ATP10A: variants seen among roughly 807,000 people sequenced by gnomAD.
The protein encoded by ATP10A is ATPase phospholipid transporting 10A (putative), also known as phospholipid-transporting ATPase VA.
ATP10A carries 111 observed loss-of-function variants against 147.8 expected under a neutral mutation model. That is an observed-to-expected ratio of 0.75 (90% CI 0.64 to 0.88). ATP10A has a LOEUF of 0.88. Ranked by LOEUF, ATP10A falls within the 40% of genes least tolerant of loss-of-function variation. The pLI, the probability that ATP10A is intolerant of heterozygous loss-of-function variation, is 0.00. For missense variants in ATP10A, 1,927 were observed against 1,959.0 expected (o/e 0.98, Z 0.31); for synonymous variants, 875 against 841.6 (o/e 1.04, Z -0.69).
rs547453214 is a variant in ATP10A at position 25,720,058 on chromosome 15, C to T, written c.1363+1599G>A. Among the ~76,000 whole-genome samples, 21 of 152,288 alleles carry T rather than the reference C, an allele frequency of 1.4e-4. No homozygotes were observed. In the South Asian group the frequency reaches 3.9e-3, roughly 29 times the overall value. On this transcript the variant is annotated intron_variant, in intron 7 of 20. Transcript: ENST00000555815. ...CTCCCTGTGTCTTGAGGCAAGGAAACCCTCTGGTTTTATGGTAGCATTTGG... is the reference window on the plus strand; with the variant it reads ...CTCCCTGTGTCTTGAGGCAAGGAAATCCTCTGGTTTTATGGTAGCATTTGG...
In ATP10A at chr15:25,723,597, AT is replaced by A. The variant is rs1324748285; in HGVS notation, c.1110+293del. On this transcript the variant is annotated intron_variant, in intron 6 of 20. Transcript: ENST00000555815. Reference sequence around the variant, plus strand: ...TTAAAATTATCCCAAAATAAAATCTATTTTTTTTAAAAGTAACTGAAAGGAA... The same window carrying A: ...TTAAAATTATCCCAAAATAAAATCTATTTTTTTAAAAGTAACTGAAAGGAA... Among the ~76,000 whole-genome samples, 11 of 151,828 alleles carry A rather than the reference AT, an allele frequency of 7.2e-5. No homozygotes were observed. The East Asian group carries it at 1.6e-3, about 21-fold the overall frequency.
At chr15:25,812,510 C>G (rs529743451) in intron 1 of ATP10A, among the ~76,000 whole-genome samples, 1 of 152,208 alleles carries the variant, frequency 6.6e-6, no homozygotes, top group Non-Finnish European at 1.5e-5. Flanking sequence ...TCCAAGAACA[C>G]TTGCATTTGT....
At chr15:25,688,825 T>C (rs991045722) in intron 15 of ATP10A, among the ~76,000 whole-genome samples, 1 of 152,226 alleles carries the variant, frequency 6.6e-6, no homozygotes, top group Non-Finnish European at 1.5e-5. Flanking sequence ...AAAGCAAATG[T>C]CCCTCTACCT....
intron 2 of ATP10A, among the ~76,000 whole-genome samples, chr15:25,768,184 G>A (rs1206572485): frequency 1.3e-5 from 2 of 152,206 alleles, no homozygotes; most frequent in Non-Finnish European, 2.9e-5. Flanking sequence ...ACAGGACACA[G>A]CACGCGAGCA....
intron 14 of ATP10A, among the ~76,000 whole-genome samples, chr15:25,693,239 T>A (rs1258438629): frequency 6.6e-6 from 1 of 151,690 alleles, no homozygotes; most frequent in East Asian, 2.0e-4. Flanking sequence ...CCCAGGCTGG[T>A]CTCAAACTCC....
chr15:25,692,822 G>A (rs185630878), intron 14 of ATP10A, among the ~76,000 whole-genome samples: 31 of 152,210 alleles, frequency 2.0e-4, no homozygotes, highest in African/African-American at 7.2e-4. Flanking sequence ...TTGAGACAGG[G>A]TCTCACTCTG....
intron 12 of ATP10A, 124 bp from the exon 13 acceptor site, chr15:25,702,224 G>T (rs1033998173): frequency 2.0e-6 from 2 of 995,468 alleles, no homozygotes; most frequent in Non-Finnish European, 2.9e-6. Context: ...TGTTGCCTGG[G>T]CCTTGCCAGG....
rs148291013 is a variant in ATP10A at position 25,834,995 on chromosome 15, G to A, written c.449+27653C>T. Among the ~76,000 whole-genome samples the A allele has an allele frequency of 7.8e-3, 1,191 of 152,296 alleles. 22 individuals carry two copies. Among genetic ancestry groups the A allele is most frequent in the African/African-American group, 0.027 (1,123 of 41,552 alleles). Reference sequence around the variant, plus strand: ...AAAATGTGCTAGGCCAGGTGCAGTTGCTCACACCTGTAATCCCAGCACTTT... The same window carrying A: ...AAAATGTGCTAGGCCAGGTGCAGTTACTCACACCTGTAATCCCAGCACTTT... On this transcript the variant is annotated intron_variant, in intron 1 of 20. Coordinates refer to ENST00000555815, the MANE Select transcript of ATP10A (RefSeq NM_024490.4).
intron 2 of ATP10A, among the ~76,000 whole-genome samples, chr15:25,746,415 T>C (rs193086599): frequency 1.2e-3 from 176 of 152,294 alleles, no homozygotes; most frequent in African/African-American, 3.9e-3. Flanking sequence ...CTTGGTAACA[T>C]TCCTTTCTCA....
intron 2 of ATP10A, among the ~76,000 whole-genome samples, chr15:25,749,921 C>T (rs1008650637): frequency 3.3e-5 from 5 of 151,940 alleles, no homozygotes; most frequent in Non-Finnish European, 5.9e-5. Context: ...CCAAAACTAT[C>T]CAAACGGAAA....
At chr15:25,714,264 G>A in intron 9 of ATP10A, 23 bp from the exon 10 acceptor site, 1 of 1,596,870 alleles carries the variant, frequency 6.3e-7, no homozygotes, top group Non-Finnish European at 8.5e-7. Flanking sequence ...TGGTCAGAAG[G>A]CAGGTGAGGG....
At chr15:25,793,208 G>A (rs4609818) in intron 1 of ATP10A, among the ~76,000 whole-genome samples, 30,444 of 151,996 alleles carry the variant, frequency 0.2, 3,419 homozygotes, top group African/African-American at 0.3. Context: ...CTCATTTGGA[G>A]GCATCATAAA....
At chr15:25,843,203 C>T (rs1482786230) in intron 1 of ATP10A, among the ~76,000 whole-genome samples, 30 of 150,040 alleles carry the variant, frequency 2.0e-4, no homozygotes, top group Admixed American at 1.9e-3. Flanking sequence ...CCCTAGGAGA[C>T]GCAGGCCCAC....
At position 25,724,132 on chromosome 15, in the gene ATP10A, G is replaced by T. The variant is rs771136404; in HGVS notation, c.980-111C>A. 6.7e-6 allele frequency: 8 copies of T among 1,194,734 alleles called. No homozygotes were observed. In the Admixed American group the frequency reaches 2.3e-4, roughly 34 times the overall value. The allele number at this position is 1,194,734 out of a possible 1,614,324, so 74.0% of individuals were successfully genotyped here. ...TTTGTTACCTGATGCAAGCACATTT[G>T]GTTTTCTTACTCAGCTTTGCCATGT... On this transcript the variant is annotated intron_variant, in intron 5 of 20. Transcript: ENST00000555815.
downstream of ATP10A, among the ~76,000 whole-genome samples, chr15:25,676,358 G>C (rs560735260): frequency 6.6e-6 from 1 of 152,286 alleles, no homozygotes; most frequent in East Asian, 1.9e-4. Flanking sequence ...GCGCCTCCCT[G>C]GCCTTGCTTG....
At chr15:25,676,302 C>A (rs909730033), downstream of ATP10A, among the ~76,000 whole-genome samples, 4 of 152,202 alleles carry the variant, frequency 2.6e-5, no homozygotes, top group Admixed American at 2.6e-4. Context: ...TCACTCCTCT[C>A]CCAGGTCTCT....
chr15:25,695,606 G>C (rs1241887616), intron 13 of ATP10A, among the ~76,000 whole-genome samples: 1 of 152,090 alleles, frequency 6.6e-6, no homozygotes, highest in Non-Finnish European at 1.5e-5. Context: ...TCCAGCCTAG[G>C]CGACAGAGCG....
At chr15:25,713,529 A>G in intron 10 of ATP10A, 145 bp downstream of exon 10, 1 of 906,500 alleles carries the variant, frequency 1.1e-6, no homozygotes, top group Non-Finnish European at 1.7e-6. Context: ...CACTGATCTG[A>G]AGAAACCATG....
At chr15:25,853,558 GTGCCAGGGACAC>G (rs1219131566) in intron 1 of ATP10A, among the ~76,000 whole-genome samples, 1 of 152,146 alleles carries the variant, frequency 6.6e-6, no homozygotes, top group Non-Finnish European at 1.5e-5. Flanking sequence ...GTGAGTACCA[GTGCCAGGGACAC>G]TGCCAGTCAC....
Sources: gnomAD v4.1 joint callset for allele counts (sites outside exome capture counted in the v4.1 genomes callset) on GRCh38, gnomAD v4.1.1 for gene constraint, MANE v1.5 for transcripts, NCBI Gene and HGNC (gene_info 2026-07-23, HGNC 2026-07-21) for gene names.